Variants in DDX59 observed in about 807,000 individuals in gnomAD.
DDX59 encodes the protein DEAD-box helicase 59.
Under a neutral mutation model 51.9 loss-of-function variants are expected in DDX59, and 30 were observed. That is an observed-to-expected ratio of 0.58 (90% CI 0.43 to 0.78). The LOEUF is 0.78. Ranked by LOEUF, DDX59 falls within the 30% of genes least tolerant of loss-of-function variation. DDX59 has a pLI of 0.00. For missense variants in DDX59, 672 were observed against 730.8 expected (o/e 0.92, Z 0.93); for synonymous variants, 255 against 253.3 (o/e 1.01, Z -0.06).
At chr1:200,642,493 A>G (rs1319167486), downstream of DDX59, among the ~76,000 whole-genome samples, 1 of 152,222 alleles carries the variant, frequency 6.6e-6, no homozygotes, top group Non-Finnish European at 1.5e-5. Context: ...AATTTTTTTA[A>G]AAGTCTAATG....
Position 200,644,474 on chromosome 1 carries a change from G to A in DDX59, c.1640C>T (p.Thr547Ile). 6.3e-7 allele frequency: 1 copy of A among 1,599,826 alleles called. No individual in the cohort carries two copies. Among genetic ancestry groups the A allele is most frequent in the Non-Finnish European group, 8.5e-7 (1 of 1,172,928 alleles). Residue 547 changes from threonine to isoleucine, a missense_variant, in exon 8 of 8, where the codon ACT (threonine) becomes ATT (isoleucine). By Grantham distance (89) the Thr-to-Ile change is moderately conservative (BLOSUM62 -1). Coordinates refer to ENST00000331314, the MANE Select transcript of DDX59 (RefSeq NM_001031725.6). ...TCTTTTTGAATTATTATTGATGAAA[G>A]TAATCGCTGTTCCATTTTGACCTAA... is the stretch of plus-strand genomic sequence containing the variant. ...GRLGQNGTAI[T>I]FINNNSKRLF...
intron 1 of DDX59, among the ~76,000 whole-genome samples, chr1:200,669,312 G>A (rs976733395): frequency 7.3e-5 from 11 of 151,490 alleles, no homozygotes; most frequent in African/African-American, 2.7e-4. Flanking sequence ...GCAACCGAGG[G>A]TCTAGAATTA....
At chr1:200,653,558 A>G (rs1320146147) in intron 4 of DDX59, among the ~76,000 whole-genome samples, 1 of 152,198 alleles carries the variant, frequency 6.6e-6, no homozygotes, top group African/African-American at 2.4e-5. Context: ...TCAGATCTTC[A>G]TCCTCCTCTG....
chr1:200,648,688 T>C (rs984982811), intron 6 of DDX59, 121 bp from the exon 7 acceptor site: 10 of 1,195,360 alleles, frequency 8.4e-6, no homozygotes, highest in African/African-American at 3.1e-5. Context: ...ATTTTTTCAA[T>C]AAGTAAAGGT....
chr1:200,655,653 TCC>T (rs1661972635), intron 4 of DDX59, among the ~76,000 whole-genome samples: 1 of 152,184 alleles, frequency 6.6e-6, no homozygotes, highest in Non-Finnish European at 1.5e-5. Flanking sequence ...CTTATGTTGG[TCC>T]CTTCACTTTG....
At chr1:200,646,235 G>A (rs1484801514) in intron 7 of DDX59, among the ~76,000 whole-genome samples, 1 of 152,104 alleles carries the variant, frequency 6.6e-6, no homozygotes. Flanking sequence ...TCAGGAGGCT[G>A]AGATGGAAGA....
intron 2 of DDX59, among the ~76,000 whole-genome samples, chr1:200,664,689 T>C (rs1469055832): frequency 2.6e-5 from 4 of 152,156 alleles, no homozygotes; most frequent in Non-Finnish European, 4.4e-5. Flanking sequence ...CTTTTTTTTT[T>C]TTGAAAACGG....
intron 4 of DDX59, among the ~76,000 whole-genome samples, chr1:200,654,135 C>A (rs994590910): frequency 3.3e-5 from 5 of 152,130 alleles, no homozygotes; most frequent in African/African-American, 1.2e-4. Flanking sequence ...CCTGAAGGGC[C>A]GGGCGTGGTG....
At chr1:200,651,272 G>C (rs1294053858) in intron 4 of DDX59, among the ~76,000 whole-genome samples, 1 of 152,044 alleles carries the variant, frequency 6.6e-6, no homozygotes, top group African/African-American at 2.4e-5. Flanking sequence ...GTTAATGTTA[G>C]GGGCTGCTAT....
intron 5 of DDX59, among the ~76,000 whole-genome samples, chr1:200,649,691 T>G (rs750776652): frequency 1.3e-5 from 2 of 151,908 alleles, no homozygotes; most frequent in African/African-American, 2.4e-5. Context: ...AATAAGTGTT[T>G]TATTTAAAAT....
rs1348622903 is a variant in DDX59 at position 200,666,001 on chromosome 1, G to A, written c.740C>T (p.Ala247Val). Residue 247 changes from alanine to valine, a missense_variant, in exon 2 of 8, where the codon GCA becomes GTA. Ala to Val is a moderately conservative substitution (Grantham distance 64). Transcript: ENST00000331314. ...GLLGRDILAS[A>V]DTGSGKTAAF... Reference sequence around the variant, plus strand: ...AGCTGTTTTTCCTGAGCCAGTATCTGCACTGGCCAGAATGTCTCTTCCCAG... The same window carrying A: ...AGCTGTTTTTCCTGAGCCAGTATCTACACTGGCCAGAATGTCTCTTCCCAG... The A allele has an allele frequency of 1.2e-6, 2 of 1,614,176 alleles. No homozygotes were observed. Among genetic ancestry groups the A allele is most frequent in the Non-Finnish European group, 1.7e-6 (2 of 1,180,024 alleles).
intron 4 of DDX59, among the ~76,000 whole-genome samples, chr1:200,656,414 T>C (rs2102884785): frequency 6.6e-6 from 1 of 152,330 alleles, no homozygotes; most frequent in South Asian, 2.1e-4. Context: ...ATGTATCTTT[T>C]CTCTCTAACA....
At chr1:200,641,388 CAAAAAAACTAAAAAA>C, downstream of DDX59, 1 of 176,228 alleles carries the variant, frequency 5.7e-6, no homozygotes, top group Non-Finnish European at 8.9e-6. Context: ...GTTATGAAAC[CAAAAAAACTAAAAAA>C]AAAAAAAAGA....
In DDX59 at chr1:200,644,287, G is replaced by A. The variant is rs772359313; in HGVS notation, c.1827C>T (p.Ile609=). 8 of 1,573,452 alleles carry A rather than the reference G, an allele frequency of 5.1e-6. No individual in the cohort carries two copies. The South Asian group carries it at 7.3e-5, about 14-fold the overall frequency. Residue 609 remains isoleucine, a synonymous_variant, in exon 8 of 8, where the codon ATC becomes ATT. Coordinates refer to ENST00000331314, the MANE Select transcript of DDX59 (RefSeq NM_001031725.6). ...GAGAATTACTTTTATCATGTTTTCT[G>A]ATAATATCCATAAGATTAGCTCCTG... The part of the protein sequence containing the change: ...LVTGANLMDI[I]RKHDKSNSQK
intron 4 of DDX59, 115 bp downstream of exon 4, chr1:200,658,912 C>G: frequency 2.3e-6 from 2 of 860,470 alleles, no homozygotes; most frequent in Non-Finnish European, 3.6e-6. Context: ...TTAAAAGTCC[C>G]TGAGGTTTTT....
In DDX59 at chr1:200,669,897, CGG is replaced by C; in HGVS notation, c.-144_-143del. The C allele has an allele frequency of 9.6e-6, 1 of 103,734 alleles. No individual in the cohort carries two copies. The highest frequency in any genetic ancestry group is 2.2e-5 in the Non-Finnish European group (1 of 46,096). The allele number at this position is 103,734 out of a possible 1,614,324, so 6.4% of individuals were successfully genotyped here. A position where few individuals can be genotyped will look rare whatever the true frequency, so the allele number is the denominator to read the frequency against. On this transcript the variant is annotated 5_prime_UTR_variant, in exon 1 of 8. Coordinates refer to ENST00000331314, the MANE Select transcript of DDX59 (RefSeq NM_001031725.6). ...GGACTGCGGCCCGGGGTTGGTGGTG[CGG>C]AGCGGAGCGGAGCGGAGCGTAGAGT...
intron 5 of DDX59, 121 bp from the exon 6 acceptor site, chr1:200,649,347 G>A (rs1661501822): frequency 9.9e-7 from 1 of 1,007,996 alleles, no homozygotes; most frequent in Non-Finnish European, 1.4e-6. Flanking sequence ...TTAAGAAGGA[G>A]GCTGGGCGCG....
At chr1:200,667,714 CTA>C (rs1337876061) in intron 1 of DDX59, among the ~76,000 whole-genome samples, 1 of 152,110 alleles carries the variant, frequency 6.6e-6, no homozygotes, top group Non-Finnish European at 1.5e-5. Flanking sequence ...AGAGAAAATG[CTA>C]TTTTCATAAG....
At position 200,663,908 on chromosome 1, in the gene DDX59, T is replaced by A; in HGVS notation, c.972+11A>T. The stretch of plus-strand genomic sequence containing the variant: ...AACTTTTCAAAGACATTGTATCAAA[T>A]CAGTGCTTACCTTAACATGTTGTTG... On this transcript the variant is annotated intron_variant, in intron 3 of 7. Transcript: ENST00000331314. 6.3e-7 allele frequency: 1 copy of A among 1,576,778 alleles called. No homozygotes were observed. Among genetic ancestry groups the A allele is most frequent in the Non-Finnish European group, 8.6e-7 (1 of 1,164,708 alleles).
Sources: gnomAD v4.1 joint callset for allele counts (sites outside exome capture counted in the v4.1 genomes callset) on GRCh38, gnomAD v4.1.1 for gene constraint, MANE v1.5 for transcripts, NCBI Gene and HGNC (gene_info 2026-07-23, HGNC 2026-07-21) for gene names.